GSE1: variants seen among roughly 807,000 people sequenced by gnomAD.
The protein encoded by GSE1 is Gse1 coiled-coil protein.
In GSE1, 32 loss-of-function variants were observed where a neutral mutation model predicts 112.6. The ratio of observed to expected loss-of-function variants is 0.28; its 90% CI spans 0.21 to 0.38. GSE1 has a LOEUF of 0.38. Ranked by LOEUF, GSE1 falls within the 10% of genes least tolerant of loss-of-function variation. The probability of loss-of-function intolerance (pLI) is 1.00; values close to 1 mark genes in which losing one functional copy is unlikely to be tolerated. For missense variants in GSE1, 2,348 were observed against 1,699.2 expected (o/e 1.38, Z -6.71); for synonymous variants, 1,115 against 735.6 (o/e 1.52, Z -8.35).
At chr16:85,566,590 C>A (rs1331867162) in intron 1 of GSE1, among the ~76,000 whole-genome samples, 2 of 152,178 alleles carry the variant, frequency 1.3e-5, no homozygotes, top group Non-Finnish European at 2.9e-5. Context: ...TCAGTGTCAC[C>A]CTTAGTGAGT....
chr16:85,671,265 C>A (rs1042221702), intron 15 of GSE1, among the ~76,000 whole-genome samples, 167 bp downstream of exon 15: 1 of 151,508 alleles, frequency 6.6e-6, no homozygotes, highest in East Asian at 1.9e-4. Context: ...ACGGTGAAAC[C>A]CTGTCTCTAC....
chr16:85,383,462 C>G (rs370508072), intron 2 of GSE1, among the ~76,000 whole-genome samples: 290 of 151,652 alleles, frequency 1.9e-3, no homozygotes, highest in African/African-American at 6.9e-3. Context: ...TACACACAGT[C>G]TGTCACACAT....
intron 11 of GSE1, 146 bp downstream of exon 11, chr16:85,663,760 C>G: frequency 5.0e-6 from 4 of 792,412 alleles, no homozygotes; most frequent in Non-Finnish European, 8.0e-6. Flanking sequence ...CTCCCGGGAA[C>G]AGCCTCTCTG....
At chr16:85,555,407 G>A, upstream of GSE1, 1 of 980,728 alleles carries the variant, frequency 1.0e-6, no homozygotes, top group African/African-American at 1.8e-5. Context: ...GGGGGGAGGG[G>A]TGTTGGTGGC....
At chr16:85,219,356 A>G (rs555287669) in intron 1 of GSE1, among the ~76,000 whole-genome samples, 5 of 152,360 alleles carry the variant, frequency 3.3e-5, no homozygotes, top group African/African-American at 1.2e-4. Flanking sequence ...AAAATGAATT[A>G]TATTTTGACA....
intron 2 of GSE1, among the ~76,000 whole-genome samples, chr16:85,457,574 C>T (rs2049862919): frequency 6.6e-6 from 1 of 152,236 alleles, no homozygotes; most frequent in Admixed American, 6.5e-5. Flanking sequence ...GAGAGCAGGG[C>T]AAGGGCTGGA....
chr16:85,183,004 TTAC>T (rs1567594501), intron 1 of GSE1, among the ~76,000 whole-genome samples: 1 of 152,152 alleles, frequency 6.6e-6, no homozygotes, highest in Non-Finnish European at 1.5e-5. Context: ...ATACTCACTG[TTAC>T]ACATGCGGTC....
intron 2 of GSE1, among the ~76,000 whole-genome samples, chr16:85,526,294 C>G (rs1891800070): frequency 6.6e-6 from 1 of 152,258 alleles, no homozygotes; most frequent in African/African-American, 2.4e-5. Context: ...TCCCTTTTGC[C>G]AGCTGTAGTG....
intron 1 of GSE1, among the ~76,000 whole-genome samples, chr16:85,263,235 G>T (rs1226773847): frequency 1.3e-5 from 2 of 152,072 alleles, no homozygotes; most frequent in African/African-American, 4.8e-5. Flanking sequence ...CATCATGCTT[G>T]TTTAGCAAAG....
intron 1 of GSE1, among the ~76,000 whole-genome samples, chr16:85,287,146 G>A (rs190129853): frequency 1.2e-4 from 19 of 152,386 alleles, no homozygotes; most frequent in Middle Eastern, 3.4e-3. Context: ...GCTCATGCAC[G>A]AGGCCAGCTG....
At chr16:85,450,842 C>T (rs2049658414) in intron 2 of GSE1, among the ~76,000 whole-genome samples, 1 of 152,078 alleles carries the variant, frequency 6.6e-6, no homozygotes, top group Admixed American at 6.5e-5. Flanking sequence ...GGGCCGATCA[C>T]CTAAGGTTAG....
intron 2 of GSE1, among the ~76,000 whole-genome samples, chr16:85,531,645 A>T (rs966304318): frequency 2.0e-5 from 3 of 152,178 alleles, no homozygotes; most frequent in African/African-American, 7.2e-5. Context: ...ACACTGCTGT[A>T]TGGCCTCGCC....
intron 1 of GSE1, among the ~76,000 whole-genome samples, chr16:85,313,077 T>G (rs1278855160): frequency 2.0e-5 from 3 of 152,176 alleles, no homozygotes; most frequent in Admixed American, 1.3e-4. Context: ...GACACTCCAG[T>G]GCACACTCAG....
At chr16:85,498,492 TACAG>T (rs2051255920) in intron 2 of GSE1, among the ~76,000 whole-genome samples, 1 of 152,096 alleles carries the variant, frequency 6.6e-6, no homozygotes, top group South Asian at 2.1e-4. Flanking sequence ...CACACATGCA[TACAG>T]ACACACAAAC....
At chr16:85,362,736 G>A (rs370958611) in intron 2 of GSE1, among the ~76,000 whole-genome samples, 2 of 152,202 alleles carry the variant, frequency 1.3e-5, no homozygotes, top group African/African-American at 2.4e-5. Context: ...TGGGGCTGCC[G>A]TGTGGCACAT....
chr16:85,552,496 T>C (rs2151242367), upstream of GSE1, among the ~76,000 whole-genome samples: 1 of 124,676 alleles, frequency 8.0e-6, no homozygotes, highest in African/African-American at 2.7e-5. Flanking sequence ...CACGCCCGGC[T>C]AATTTTTTTG....
At chr16:85,653,192 C>A in intron 3 of GSE1, among the ~76,000 whole-genome samples, 1 of 24 alleles carries the variant, frequency 0.042, no homozygotes, top group Non-Finnish European at 0.083. Flanking sequence ...CCTCCGCCCC[C>A]CTCCTCCCCC....
chr16:85,220,280 G>A (rs1306986117), intron 1 of GSE1, among the ~76,000 whole-genome samples: 1 of 152,214 alleles, frequency 6.6e-6, no homozygotes, highest in Non-Finnish European at 1.5e-5. Context: ...GGAGCTGGGG[G>A]CAGGCGGGGG....
At chr16:85,360,472 C>G (rs1057286609) in intron 2 of GSE1, among the ~76,000 whole-genome samples, 11 of 152,182 alleles carry the variant, frequency 7.2e-5, no homozygotes, top group African/African-American at 2.7e-4. Context: ...AGAGACCCAC[C>G]AGGAGCATGT....
Sources: gnomAD v4.1 joint callset for allele counts (sites outside exome capture counted in the v4.1 genomes callset) on GRCh38, gnomAD v4.1.1 for gene constraint, MANE v1.5 for transcripts, NCBI Gene and HGNC (gene_info 2026-07-23, HGNC 2026-07-21) for gene names.